BICRAL: variants seen among roughly 807,000 people sequenced by gnomAD.
BICRAL encodes the protein BICRA like chromatin remodeling complex associated protein, also known as BRD4-interacting chromatin-remodeling complex-associated protein-like.
In BICRAL, 8 loss-of-function variants were observed where a neutral mutation model predicts 91.8. That is an observed-to-expected ratio of 0.09 (90% CI 0.05 to 0.16). The LOEUF is 0.16. BICRAL is among the 10% of genes least tolerant of loss of function. The pLI is 1.00. For missense variants in BICRAL, 1,038 were observed against 1,310.9 expected, an observed-to-expected ratio of 0.79 and a Z score of 3.21; for synonymous variants, 445 against 491.1, an observed-to-expected ratio of 0.91 and a Z score of 1.24.
intron 7 of BICRAL, among the ~76,000 whole-genome samples, chr6:42,852,862 C>A (rs1044733602): frequency 4.6e-5 from 7 of 151,688 alleles, no homozygotes; most frequent in African/African-American, 1.7e-4. Flanking sequence ...CTTTGGGAGG[C>A]CGAGGCGGGC....
chr6:42,756,920 C>CT (rs1491112581), intron 1 of BICRAL, among the ~76,000 whole-genome samples: 2 of 46,986 alleles, frequency 4.3e-5, no homozygotes, highest in African/African-American at 1.8e-4. Context: ...CTCTCCCTCT[C>CT]CCCCCCCCCC....
intron 1 of BICRAL, among the ~76,000 whole-genome samples, chr6:42,785,403 A>G (rs1382156775): frequency 6.6e-6 from 1 of 151,926 alleles, no homozygotes. Context: ...TACTAAAAAT[A>G]CAAAAAAGCT....
At chr6:42,776,423 C>CTACAG (rs1164138827) in intron 1 of BICRAL, among the ~76,000 whole-genome samples, 1 of 152,062 alleles carries the variant, frequency 6.6e-6, no homozygotes, top group Admixed American at 6.6e-5. Context: ...TCATGGCTCA[C>CTACAG]TACAGACTCA....
At chr6:42,782,132 T>C (rs1240684855) in intron 1 of BICRAL, 31 bp downstream of exon 1, 1 of 150,020 alleles carries the variant, frequency 6.7e-6, no homozygotes, top group African/African-American at 2.4e-5. Flanking sequence ...ATTATAATTT[T>C]GTGATAAAAA....
At chr6:42,845,195 G>GTTTTGTTTTT (rs1764961948) in intron 6 of BICRAL, among the ~76,000 whole-genome samples, 1 of 25,568 alleles carries the variant, frequency 3.9e-5, no homozygotes, top group Non-Finnish European at 8.5e-5. Flanking sequence ...TTTTTTGGGT[G>GTTTTGTTTTT]TTTTTTTTTT....
At chr6:42,811,825 C>T (rs139394674) in intron 2 of BICRAL, among the ~76,000 whole-genome samples, 1 of 152,152 alleles carries the variant, frequency 6.6e-6, no homozygotes, top group African/African-American at 2.4e-5. Flanking sequence ...GTTTGTGTTC[C>T]CATCTGCAAG....
chr6:42,761,193 G>T (rs1026811725), intron 1 of BICRAL, among the ~76,000 whole-genome samples: 1 of 152,182 alleles, frequency 6.6e-6, no homozygotes, highest in East Asian at 1.9e-4. Context: ...GGTGGCTCAC[G>T]CCTGTAATCC....
At chr6:42,837,212 G>T (rs1259393274) in intron 6 of BICRAL, among the ~76,000 whole-genome samples, 2 of 151,910 alleles carry the variant, frequency 1.3e-5, no homozygotes, top group African/African-American at 4.8e-5. Flanking sequence ...CTCCCAAAGT[G>T]CTGGGGTTAC....
intron 5 of BICRAL, among the ~76,000 whole-genome samples, chr6:42,828,175 A>C (rs1056702188): frequency 1.2e-4 from 19 of 152,110 alleles, no homozygotes; most frequent in Admixed American, 2.6e-4. Flanking sequence ...GCACTTTGGG[A>C]GGCCGAGGCG....
intron 8 of BICRAL, among the ~76,000 whole-genome samples, chr6:42,855,245 A>G (rs754798204): frequency 2.0e-5 from 3 of 152,236 alleles, no homozygotes; most frequent in African/African-American, 2.4e-5. Flanking sequence ...GTGGAATTTC[A>G]AAAATATAAC....
intron 1 of BICRAL, among the ~76,000 whole-genome samples, chr6:42,753,052 G>A (rs918640843): frequency 5.3e-5 from 8 of 150,798 alleles, no homozygotes; most frequent in East Asian, 2.0e-4. Flanking sequence ...TCAGCCTGCC[G>A]AGTAGCTGGG....
intron 1 of BICRAL, among the ~76,000 whole-genome samples, chr6:42,761,480 G>A (rs142998545): frequency 6.7e-4 from 102 of 152,258 alleles, no homozygotes; most frequent in African/African-American, 2.4e-3. Context: ...GATTAGTTGT[G>A]CAATACTAGC....
chr6:42,838,831 C>G (rs930557142), intron 6 of BICRAL, among the ~76,000 whole-genome samples: 16 of 151,944 alleles, frequency 1.1e-4, no homozygotes, highest in African/African-American at 3.6e-4. Flanking sequence ...TGTGGTGGTG[C>G]ATGCCTGTAA....
chr6:42,759,071 C>G (rs1017471202), intron 1 of BICRAL, among the ~76,000 whole-genome samples: 4 of 152,162 alleles, frequency 2.6e-5, no homozygotes, highest in Non-Finnish European at 4.4e-5. Flanking sequence ...ATCTGAATCT[C>G]TGGGAGTGGG....
At position 42,829,007 on chromosome 6, in the gene BICRAL, T is replaced by C. The variant is rs752474908; in HGVS notation, c.674T>C (p.Met225Thr). The C allele has an allele frequency of 1.9e-6, 3 of 1,613,314 alleles. No individual in the cohort carries two copies. Among genetic ancestry groups the C allele is most frequent in the South Asian group, 1.1e-5 (1 of 91,068 alleles). The change falls in exon 6 of 13, where the codon ATG becomes ACG. Residue 225 changes from methionine to threonine, a missense_variant. Met to Thr is a moderately conservative substitution (Grantham distance 81, BLOSUM62 -1). Around this residue, in one of 5 missense-constraint regions of BICRAL, gnomAD observed 532 missense variants for 724.9 expected, o/e 0.73. Coordinates refer to ENST00000314073, the MANE Select transcript of BICRAL (RefSeq NM_001393499.1). ...GGGTCATTTGGTAATCATCCTTCCA[T>C]GATGACTATTAATAACCTAGATGGA... Reference protein sequence around the residue: ...LIGSFGNHPSMMTINNLDGSQ... With the variant: ...LIGSFGNHPSTMTINNLDGSQ...
chr6:42,800,473 T>G (rs960932295), intron 1 of BICRAL, among the ~76,000 whole-genome samples: 1 of 152,182 alleles, frequency 6.6e-6, no homozygotes, highest in African/African-American at 2.4e-5. Flanking sequence ...CTTAAATCAT[T>G]TTTAAGCTTA....
intron 1 of BICRAL, among the ~76,000 whole-genome samples, chr6:42,759,316 C>T (rs1483554694): frequency 6.6e-6 from 1 of 152,222 alleles, no homozygotes; most frequent in Non-Finnish European, 1.5e-5. Context: ...ATGATGAGAG[C>T]ATCACATTAT....
At chr6:42,765,176 T>C (rs557411945) in intron 1 of BICRAL, among the ~76,000 whole-genome samples, 14 of 152,240 alleles carry the variant, frequency 9.2e-5, no homozygotes, top group Non-Finnish European at 1.6e-4. Context: ...CCTTCTGTAG[T>C]TGGTAATAAT....
upstream of BICRAL, among the ~76,000 whole-genome samples, chr6:42,779,905 G>A (rs1401152816): frequency 6.6e-6 from 1 of 151,832 alleles, no homozygotes; most frequent in Non-Finnish European, 1.5e-5. Context: ...CGTGAGCCAC[G>A]GCACCCAGCC....
Sources: gnomAD v4.1 joint callset for allele counts (sites outside exome capture counted in the v4.1 genomes callset) on GRCh38, gnomAD v4.1.1 for gene constraint, gnomAD v4.1.1 regional missense constraint, MANE v1.5 for transcripts, NCBI Gene and HGNC (gene_info 2026-07-23, HGNC 2026-07-21) for gene names.